Variants in KHDRBS2 observed in about 807,000 individuals in gnomAD.
The protein encoded by KHDRBS2 is KH RNA binding domain containing, signal transduction associated 2, also known as KH domain-containing, RNA-binding, signal transduction-associated protein 2.
Under a neutral mutation model 44.3 loss-of-function variants are expected in KHDRBS2, and 26 were observed. That is an observed-to-expected ratio of 0.59 (90% CI 0.43 to 0.81). The LOEUF (loss-of-function observed/expected upper bound fraction) is 0.81. KHDRBS2 is among the 40% of genes least tolerant of loss of function. The pLI, the probability that KHDRBS2 is intolerant of heterozygous loss-of-function variation, is 0.00. For synonymous variants in KHDRBS2, 194 were observed against 151.1 expected (o/e 1.28, Z -2.08); for missense variants, 476 against 433.1 (o/e 1.10, Z -0.88).
In KHDRBS2 at chr6:62,177,319, G is replaced by C. The variant is rs1180281089; in HGVS notation, c.92-7C>G. ...CCTTGAAACTTTTCAATTTCTGGAA[G>C]AAAATCACAAGAAGAAAACAAGTGA... is the stretch of plus-strand genomic sequence containing the variant. On this transcript the variant is annotated splice_region_variant and splice_polypyrimidine_tract_variant and intron_variant, in intron 1 of 8. Transcript: ENST00000281156. 1 of 1,579,720 alleles carries C rather than the reference G, an allele frequency of 6.3e-7. No individual in the cohort carries two copies. Among genetic ancestry groups the C allele is most frequent in the South Asian group, 1.1e-5 (1 of 87,762 alleles).
At chr6:62,014,546 C>T (rs1413308785) in intron 3 of KHDRBS2, among the ~76,000 whole-genome samples, 2 of 152,032 alleles carry the variant, frequency 1.3e-5, no homozygotes, top group East Asian at 3.9e-4. Context: ...ACCCTACTGG[C>T]TAGCTACAGT....
At chr6:61,683,835 G>A (rs1380219065) in intron 8 of KHDRBS2, among the ~76,000 whole-genome samples, 2 of 151,816 alleles carry the variant, frequency 1.3e-5, no homozygotes, top group Non-Finnish European at 2.9e-5. Flanking sequence ...TAGGAAAATG[G>A]AAATTATTGT....
In KHDRBS2 at chr6:61,680,623, A is replaced by G. The variant is rs1271839235; in HGVS notation, c.*340T>C. 1.9e-5 allele frequency: 3 copies of G among 157,140 alleles called. No homozygotes were observed. Among genetic ancestry groups the G allele is most frequent in the African/African-American group, 7.5e-5 (3 of 39,770 alleles). 9.7% of individuals were successfully genotyped at this position (157,140 alleles called of 1,614,324 possible). On this transcript the variant is annotated 3_prime_UTR_variant, in exon 9 of 9. Transcript: ENST00000281156. ...GGTTGAGACTCAAAATCTGTTAACA[A>G]ATTCATGCTTTTCCTCAAAAAAAAA... is the stretch of plus-strand genomic sequence containing the variant.
chr6:62,133,549 G>T (rs1230590060), intron 2 of KHDRBS2, among the ~76,000 whole-genome samples: 1 of 152,160 alleles, frequency 6.6e-6, no homozygotes. Flanking sequence ...CAGTAAGTTG[G>T]TACCAGTAGA....
At chr6:62,066,473 T>C (rs1332061950) in intron 2 of KHDRBS2, among the ~76,000 whole-genome samples, 3 of 151,760 alleles carry the variant, frequency 2.0e-5, no homozygotes, top group East Asian at 2.0e-4. Context: ...TGAGCCATAA[T>C]GGAGCTATCA....
At chr6:62,178,343 T>TA (rs1324265873) in intron 1 of KHDRBS2, among the ~76,000 whole-genome samples, 31 of 151,592 alleles carry the variant, frequency 2.0e-4, no homozygotes, top group African/African-American at 7.5e-4. Flanking sequence ...GAATAGTGAA[T>TA]GTGGAAAAAA....
intron 2 of KHDRBS2, among the ~76,000 whole-genome samples, chr6:62,091,363 T>C (rs1195943332): frequency 6.6e-6 from 1 of 152,184 alleles, no homozygotes; most frequent in Non-Finnish European, 1.5e-5. Context: ...CAACCTGTAT[T>C]TAATTACTCT....
intron 3 of KHDRBS2, among the ~76,000 whole-genome samples, chr6:61,987,868 C>T (rs1423134485): frequency 2.0e-5 from 3 of 152,164 alleles, no homozygotes; most frequent in African/African-American, 7.2e-5. Flanking sequence ...GGCAAGAATT[C>T]TTCCAGGATC....
chr6:61,719,162 T>C (rs1771934635), intron 7 of KHDRBS2, among the ~76,000 whole-genome samples: 1 of 152,182 alleles, frequency 6.6e-6, no homozygotes, highest in South Asian at 2.1e-4. Context: ...ATTTTGCCTA[T>C]TATACCAATC....
chr6:61,810,066 T>C (rs1328425223), intron 6 of KHDRBS2, among the ~76,000 whole-genome samples: 1 of 152,100 alleles, frequency 6.6e-6, no homozygotes, highest in Non-Finnish European at 1.5e-5. Flanking sequence ...ATCACTGAAT[T>C]GGACACTTCT....
the KHDRBS2 span, among the ~76,000 whole-genome samples, chr6:61,575,625 G>T: frequency 2.0e-3 from 305 of 152,204 alleles, 14 homozygotes; most frequent in East Asian, 0.053. Flanking sequence ...CAGAAGAAAA[G>T]AAGTCATTAT....
rs186794105 is a variant in KHDRBS2, at chr6:62,246,055, T to C, written c.91+39803A>G. ...AGGTGACTTTCTGCTGAGGAGAATATAGTATTTTATGAGTTCTACAGCATA... is the reference window on the plus strand; with the variant it reads ...AGGTGACTTTCTGCTGAGGAGAATACAGTATTTTATGAGTTCTACAGCATA... On this transcript the variant is annotated intron_variant, in intron 1 of 8. Transcript: ENST00000281156. Among the ~76,000 whole-genome samples, 1,068 of 148,462 alleles carry C rather than the reference T, an allele frequency of 7.2e-3. 6 individuals carry two copies. The highest frequency in any genetic ancestry group is 0.012 in the Non-Finnish European group (810 of 67,126).
At chr6:61,939,268 A>T (rs905383) in intron 4 of KHDRBS2, among the ~76,000 whole-genome samples, 140,251 of 152,280 alleles carry the variant, frequency 0.92, 64,802 homozygotes, top group East Asian at 1. Flanking sequence ...GACACATTCA[A>T]GTATTCAGTC....
chr6:61,976,929 G>A (rs1772798888), intron 4 of KHDRBS2, among the ~76,000 whole-genome samples: 2 of 152,164 alleles, frequency 1.3e-5, no homozygotes, highest in African/African-American at 4.8e-5. Context: ...ATGAGCATCA[G>A]ATAATAAATT....
At chr6:61,630,116 C>T in the KHDRBS2 span, 16 of 152,154 alleles carry the variant, frequency 1.1e-4, no homozygotes, top group Admixed American at 2.0e-4. Context: ...TATAAAATGA[C>T]ATGGTGACTG....
chr6:61,602,188 C>A, the KHDRBS2 span, among the ~76,000 whole-genome samples: 1 of 152,156 alleles, frequency 6.6e-6, no homozygotes, highest in Non-Finnish European at 1.5e-5. Flanking sequence ...ACTTAATTAA[C>A]CTAGCCTTCA....
rs1422547034 is a variant in KHDRBS2, at chr6:62,063,628, T to A, written c.220-15634A>T. On this transcript the variant is annotated intron_variant, in intron 2 of 8. Transcript: ENST00000281156. ...TAAATTAGGTATTGATGGGATGTAT[T>A]TCAAAATAATAAGAGCTATCTATGA... Among the ~76,000 whole-genome samples the A allele has an allele frequency of 3.8e-3, 568 of 150,562 alleles. 2 individuals are homozygous for A. Among genetic ancestry groups the A allele is most frequent in the African/African-American group, 0.013 (549 of 40,936 alleles).
the KHDRBS2 span, among the ~76,000 whole-genome samples, chr6:61,637,130 CCACT>C: frequency 6.6e-6 from 1 of 151,952 alleles, no homozygotes; most frequent in East Asian, 1.9e-4. Flanking sequence ...TGTGCTGTAC[CCACT>C]AACTCGTCAT....
intron 6 of KHDRBS2, among the ~76,000 whole-genome samples, chr6:61,780,067 T>C (rs1278955874): frequency 6.6e-6 from 1 of 152,254 alleles, no homozygotes; most frequent in African/African-American, 2.4e-5. Context: ...ACCCTCAGTA[T>C]ATTTTTCTCC....
Sources: gnomAD v4.1 joint callset for allele counts (sites outside exome capture counted in the v4.1 genomes callset) on GRCh38, gnomAD v4.1.1 for gene constraint, MANE v1.5 for transcripts, NCBI Gene and HGNC (gene_info 2026-07-23, HGNC 2026-07-21) for gene names.